The following CNTN4 variants were observed in gnomAD, a reference collection of about 807,000 sequenced individuals.
CNTN4 encodes the protein contactin 4.
Under a neutral mutation model 122.5 loss-of-function variants are expected in CNTN4, and 77 were observed. That is an observed-to-expected ratio of 0.63 (90% confidence interval 0.52 to 0.76). The LOEUF is 0.76. Among genes scored for constraint, CNTN4 ranks in the 30% least tolerant of loss-of-function variants. The pLI is 0.00. For missense variants in CNTN4, 1,256 were observed against 1,259.1 expected (o/e 1.00, Z 0.04); for synonymous variants, 512 against 447.0 (o/e 1.15, Z -1.83).
chr3:2,378,315 AT>A (rs1428233874), intron 3 of CNTN4, among the ~76,000 whole-genome samples: 1 of 152,210 alleles, frequency 6.6e-6, no homozygotes, highest in Non-Finnish European at 1.5e-5. Flanking sequence ...GGACATCACC[AT>A]TCCATTCCTC....
intron 22 of CNTN4, among the ~76,000 whole-genome samples, 193 bp downstream of exon 22, chr3:3,043,356 T>C (rs1293541911): frequency 6.6e-6 from 1 of 152,180 alleles, no homozygotes; most frequent in Non-Finnish European, 1.5e-5. Flanking sequence ...GAAAGATAAA[T>C]GTTTTTCTCC....
At chr3:2,506,909 T>C (rs2076745042) in intron 3 of CNTN4, among the ~76,000 whole-genome samples, 1 of 152,112 alleles carries the variant, frequency 6.6e-6, no homozygotes, top group African/African-American at 2.4e-5. Flanking sequence ...TTGACGTTTT[T>C]ATTTAGCGAT....
rs537232313 is a variant in CNTN4, at chr3:2,440,973, A to G, written c.-89+101740A>G. ...TTTTCACACACATATATATTTCTAT[A>G]TACATATGTGTGTATATGTATATGT... On this transcript the variant is annotated intron_variant, in intron 3 of 24. Transcript: ENST00000418658. Among the ~76,000 whole-genome samples, 44 of 150,304 alleles carry G rather than the reference A, an allele frequency of 2.9e-4. 2 individuals carry two copies. In the South Asian group the frequency reaches 9.0e-3, roughly 31 times the overall value.
intron 13 of CNTN4, among the ~76,000 whole-genome samples, chr3:2,976,370 C>G: frequency 6.6e-6 from 1 of 152,302 alleles, no homozygotes; most frequent in Non-Finnish European, 1.5e-5. Flanking sequence ...GCAATAGGGT[C>G]TGAACGCAGC....
intron 2 of CNTN4, among the ~76,000 whole-genome samples, chr3:2,162,280 T>G (rs1300956523): frequency 6.6e-6 from 1 of 152,230 alleles, no homozygotes; most frequent in Non-Finnish European, 1.5e-5. Flanking sequence ...CAGAGTTCTA[T>G]TCATTTACTA....
At chr3:2,451,116 T>A (rs1002088455) in intron 3 of CNTN4, among the ~76,000 whole-genome samples, 2 of 152,200 alleles carry the variant, frequency 1.3e-5, no homozygotes, top group African/African-American at 4.8e-5. Flanking sequence ...TTCTCCTTCA[T>A]GATTAATCAA....
chr3:2,709,924 T>A lies in CNTN4; in HGVS notation c.56-26291T>A, dbSNP rs1026467042. Among the ~76,000 whole-genome samples the A allele has an allele frequency of 9.3e-5, 14 of 150,042 alleles. No individual in the cohort carries two copies. Among genetic ancestry groups the A allele is most frequent in the South Asian group, 2.1e-4 (1 of 4,766 alleles). On this transcript the variant is annotated intron_variant, in intron 4 of 24. Transcript: ENST00000418658. This position sits in a 1 kb window ranked among gnomAD's most constrained non-coding sequence, Gnocchi z 5.0. ...CAAACATATAAATACAAAAAAAAAA[T>A]AAGAATAAACTCCAAAGAGCATGTT...
At chr3:2,581,608 A>T (rs751403927) in intron 4 of CNTN4, among the ~76,000 whole-genome samples, 8 of 152,202 alleles carry the variant, frequency 5.3e-5, no homozygotes, top group Non-Finnish European at 1.0e-4. Context: ...TTGTATTTAG[A>T]AAAAACAGTG....
At chr3:2,607,975 G>T (rs2081330229) in intron 4 of CNTN4, among the ~76,000 whole-genome samples, 1 of 152,100 alleles carries the variant, frequency 6.6e-6, no homozygotes, top group Non-Finnish European at 1.5e-5. Flanking sequence ...ATAACATCTA[G>T]TCACATCATA....
chr3:3,034,169 C>A (rs542369713), intron 16 of CNTN4, among the ~76,000 whole-genome samples: 3 of 152,264 alleles, frequency 2.0e-5, no homozygotes, highest in Non-Finnish European at 4.4e-5. Flanking sequence ...GTGCTTAAAT[C>A]TATATTCTCA....
intron 2 of CNTN4, among the ~76,000 whole-genome samples, chr3:2,159,377 C>T (rs979596176): frequency 1.3e-5 from 2 of 152,064 alleles, no homozygotes; most frequent in African/African-American, 4.8e-5. Flanking sequence ...AATTGTTAGG[C>T]ATAAATTATC....
In CNTN4 at chr3:2,987,599, G is replaced by A. The variant is rs562279265; in HGVS notation, c.1359-746G>A. Among the ~76,000 whole-genome samples the A allele has an allele frequency of 5.3e-5, 8 of 152,324 alleles. No homozygotes were observed. In the South Asian group the frequency reaches 1.7e-3, roughly 32 times the overall value. ...CTTCTCTGACAAGCCTCTAAGCCAA[G>A]CTGTGTGTCTTATTCATCTTTGTAT... On this transcript the variant is annotated intron_variant, in intron 13 of 24. Coordinates refer to ENST00000418658, the MANE Select transcript of CNTN4 (RefSeq NM_175607.3).
intron 6 of CNTN4, among the ~76,000 whole-genome samples, chr3:2,772,752 T>C (rs927967366): frequency 2.6e-5 from 4 of 152,104 alleles, no homozygotes; most frequent in Non-Finnish European, 4.4e-5. Context: ...AGGTTTACAG[T>C]AAATAGACAT....
chr3:2,295,811 G>T (rs2042291140), intron 2 of CNTN4, among the ~76,000 whole-genome samples: 2 of 152,206 alleles, frequency 1.3e-5, no homozygotes, highest in Middle Eastern at 3.4e-3. Flanking sequence ...ATGTTTTTAG[G>T]TCTAACATGT....
At position 2,840,116 on chromosome 3, in the gene CNTN4, C is replaced by G. The variant is rs184840170; in HGVS notation, c.454+20535C>G. Among the ~76,000 whole-genome samples the G allele has an allele frequency of 2.3e-4, 35 of 152,226 alleles. No individual in the cohort carries two copies. The East Asian group carries it at 2.5e-3, about 11-fold the overall frequency. ...TCAGGGAAGCCCAACCCAATAACTT[C>G]TCAACAGATGTGTTCATTTGCAGTC... On this transcript the variant is annotated intron_variant, in intron 7 of 24. Coordinates refer to ENST00000418658, the MANE Select transcript of CNTN4 (RefSeq NM_175607.3).
chr3:2,899,509 A>G (rs2094149997), intron 10 of CNTN4, among the ~76,000 whole-genome samples: 1 of 152,190 alleles, frequency 6.6e-6, no homozygotes, highest in Middle Eastern at 3.2e-3. Context: ...AAGGTCTTCT[A>G]CCTGAATATG....
chr3:2,373,332 T>C (rs997727658), intron 3 of CNTN4, among the ~76,000 whole-genome samples: 1 of 152,242 alleles, frequency 6.6e-6, no homozygotes, highest in East Asian at 1.9e-4. Flanking sequence ...ATAATTACTC[T>C]GCCTGCACCT....
chr3:2,932,853 C>T lies in CNTN4; in HGVS notation c.1358+7074C>T, dbSNP rs140738936. Among the ~76,000 whole-genome samples the T allele has an allele frequency of 2.3e-4, 34 of 150,716 alleles. No homozygotes were observed. The South Asian group carries it at 4.9e-3, about 22-fold the overall frequency. ...ATTTATTTATTTAGAGACGGAGTCT[C>T]GCTCTGTCGCCCAGGCTGGAGGGCA... On this transcript the variant is annotated intron_variant, in intron 13 of 24. Transcript: ENST00000418658.
intron 13 of CNTN4, chr3:2,927,435 A>G (rs185179528): frequency 2.5e-6 from 1 of 404,830 alleles, no homozygotes; most frequent in African/African-American, 2.1e-5. Context: ...TAGAAGTGCA[A>G]CACTTGCACT....
Sources: gnomAD v4.1 joint callset for allele counts (sites outside exome capture counted in the v4.1 genomes callset) on GRCh38, gnomAD v4.1.1 for gene constraint, Gnocchi (gnomAD v3.1) non-coding constraint, MANE v1.5 for transcripts, NCBI Gene and HGNC (gene_info 2026-07-23, HGNC 2026-07-21) for gene names.